Variants in NONO observed in about 807,000 individuals in gnomAD.
NONO encodes the protein non-POU domain-containing octamer-binding protein.
In NONO, 6 loss-of-function variants were observed where a neutral mutation model predicts 40.2. The ratio of observed to expected loss-of-function variants is 0.15; its 90% CI spans 0.08 to 0.29. NONO has a LOEUF of 0.29. NONO is among the 10% of genes least tolerant of loss of function. The pLI, the probability that NONO is intolerant of heterozygous loss-of-function variation, is 1.00. For synonymous variants in NONO, 89 were observed against 123.3 expected, an observed-to-expected ratio of 0.72 and a Z score of 1.85; for missense variants, 133 against 397.8, an observed-to-expected ratio of 0.33 and a Z score of 5.66.
intron 5 of NONO, among the ~76,000 whole-genome samples, chrX:71,294,756 A>G (rs1250308130): frequency 9.0e-6 from 1 of 111,149 alleles, no homozygotes. Context: ...TGTCTCTACT[A>G]AAAATACAAA....
intron 2 of NONO, among the ~76,000 whole-genome samples, chrX:71,289,813 C>T (rs995594456): frequency 1.8e-5 from 2 of 110,327 alleles, no homozygotes; most frequent in Non-Finnish European, 1.9e-5. Context: ...CACTCTGTCA[C>T]CAGGCTGGAG....
intron 2 of NONO, among the ~76,000 whole-genome samples, chrX:71,284,739 T>C (rs1346232689): frequency 8.9e-6 from 1 of 112,078 alleles, no homozygotes; most frequent in East Asian, 2.8e-4. Flanking sequence ...GCTTTCAGGC[T>C]GGCCATCCAG....
At chrX:71,297,744 T>C in intron 8 of NONO, 92 bp from the exon 9 acceptor site, 1 of 674,932 alleles carries the variant, frequency 1.5e-6, no homozygotes, top group Non-Finnish European at 2.3e-6. Context: ...ACTGATAGTT[T>C]TCAGTAGGCC....
rs750695677 is a variant in NONO at position 71,290,744 on chromosome X, C to T, written c.107C>T (p.Pro36Leu). Reference sequence around the variant, plus strand: ...CACCACCAGCAGCAACAGCAGCAGCCGCCACCACCGCCAATACCTGCAAAT... The same window carrying T: ...CACCACCAGCAGCAACAGCAGCAGCTGCCACCACCGCCAATACCTGCAAAT... ...QQHHQQQQQQPPPPPIPANGQ... is the reference protein window; with the variant it reads ...QQHHQQQQQQLPPPPIPANGQ... Residue 36 changes from proline (P) to leucine (L), a missense_variant, in exon 3 of 12, where the codon CCG (proline) becomes CTG (leucine). Transcript: ENST00000276079. 3.4e-6 allele frequency: 4 copies of T among 1,185,422 alleles called. No individual in the cohort carries two copies. Among genetic ancestry groups the T allele is most frequent in the South Asian group, 3.7e-5 (2 of 54,648 alleles).
At chrX:71,299,916 A>G (rs1048190289) in intron 11 of NONO, 26 bp from the exon 12 acceptor site, 2 of 1,209,917 alleles carry the variant, frequency 1.7e-6, no homozygotes, top group Non-Finnish European at 2.2e-6. Flanking sequence ...GCTCTGTTAC[A>G]GTGTTGCTCT....
rs756534222 is a variant in NONO, at chrX:71,290,703, TCACCACCAGCAGCAG to T, written c.81_95del (p.His28_Gln32del). ...ATACTCCAAGAAAGCATCATCAACA[TCACCACCAGCAGCAG>T]CACCACCAGCAGCAACAGCAGCAGC... On this transcript the variant is annotated inframe_deletion, in exon 3 of 12. Coordinates refer to ENST00000276079, the MANE Select transcript of NONO (RefSeq NM_007363.5). 56 of 1,206,519 alleles carry T rather than the reference TCACCACCAGCAGCAG, an allele frequency of 4.6e-5. No individual in the cohort carries two copies. The Middle Eastern group carries it at 6.9e-4, about 15-fold the overall frequency.
chrX:71,289,148 T>C (rs1405998188), intron 2 of NONO, among the ~76,000 whole-genome samples: 1 of 112,200 alleles, frequency 8.9e-6, no homozygotes, highest in East Asian at 2.8e-4. Context: ...TTTCTATTAA[T>C]GTGTAGTATT....
chrX:71,291,770 T>C lies in NONO; in HGVS notation c.155-9T>C. ...CCAGTCTTTTAAGTGACTGTGTGTCTTCTCTCAGATGAAGGCTTGACTATT... is the reference window on the plus strand; with the variant it reads ...CCAGTCTTTTAAGTGACTGTGTGTCCTCTCTCAGATGAAGGCTTGACTATT... On this transcript the variant is annotated splice_polypyrimidine_tract_variant and intron_variant, in intron 3 of 11. Coordinates refer to ENST00000276079, the MANE Select transcript of NONO (RefSeq NM_007363.5). 4 of 1,159,503 alleles carry C rather than the reference T, an allele frequency of 3.4e-6. No homozygotes were observed. The highest frequency in any genetic ancestry group is 4.6e-6 in the Non-Finnish European group (4 of 869,893).
At chrX:71,298,404 C>T in intron 9 of NONO, 65 bp from the exon 10 acceptor site, 1 of 973,992 alleles carries the variant, frequency 1.0e-6, no homozygotes, top group Non-Finnish European at 1.5e-6. Flanking sequence ...AGTGTGTGGT[C>T]CTTGATGGAT....
At chrX:71,293,959 G>A (rs910552909) in intron 4 of NONO, 2 of 348,967 alleles carry the variant, frequency 5.7e-6, no homozygotes, top group Admixed American at 4.8e-5. Flanking sequence ...ATGATCTGTT[G>A]TCATTGGGAG....
chrX:71,295,769 C>T (rs1429314073), intron 5 of NONO, among the ~76,000 whole-genome samples: 4 of 111,614 alleles, frequency 3.6e-5, no homozygotes, highest in African/African-American at 1.3e-4. Flanking sequence ...CTAGCCTGGG[C>T]GACAGAGGAA....
At chrX:71,293,972 T>G in intron 4 of NONO, 2 of 377,123 alleles carry the variant, frequency 5.3e-6, no homozygotes, top group Non-Finnish European at 9.2e-6. Context: ...ATTGGGAGAA[T>G]AATACCTATG....
intron 4 of NONO, among the ~76,000 whole-genome samples, chrX:71,293,687 G>A (rs5937080): frequency 1.8e-5 from 2 of 110,035 alleles, no homozygotes; most frequent in African/African-American, 3.3e-5. Context: ...GCTGGAGTGC[G>A]GTGGCGTGAT....
Position 71,291,769 on chromosome X carries a change from C to T in NONO, c.155-10C>T. ...CCCAGTCTTTTAAGTGACTGTGTGT[C>T]TTCTCTCAGATGAAGGCTTGACTAT... On this transcript the variant is annotated splice_polypyrimidine_tract_variant and intron_variant, in intron 3 of 11. Coordinates refer to ENST00000276079, the MANE Select transcript of NONO (RefSeq NM_007363.5). 1.7e-6 allele frequency: 2 copies of T among 1,156,883 alleles called. No individual in the cohort carries two copies. The highest frequency in any genetic ancestry group is 2.3e-6 in the Non-Finnish European group (2 of 868,151).
Position 71,296,598 on chromosome X carries a change from C to T in NONO, c.684C>T (p.Asp228=), listed in dbSNP as rs1282296909. The T allele has an allele frequency of 1.7e-6, 2 of 1,206,622 alleles. No homozygotes were observed. The highest frequency in any genetic ancestry group is 1.1e-6 in the Non-Finnish European group (1 of 892,307). ...GTCCTGTGACTGTGGAGCCCATGGA[C>T]CAGTTAGATGATGAAGAGGGACTTC... ...FPRPVTVEPM[D]QLDDEEGLPE... The change falls in exon 6 of 12, where the codon GAC becomes GAT. Residue 228 remains aspartate (D), a synonymous_variant. Transcript: ENST00000276079.
intron 2 of NONO, among the ~76,000 whole-genome samples, chrX:71,288,348 G>A (rs2031248124): frequency 9.1e-6 from 1 of 110,035 alleles, no homozygotes; most frequent in Non-Finnish European, 1.9e-5. Context: ...CAGTCCTCCT[G>A]CCTAGACCTC....
At chrX:71,285,944 G>A (rs1284083229) in intron 2 of NONO, among the ~76,000 whole-genome samples, 6 of 111,509 alleles carry the variant, frequency 5.4e-5, no homozygotes, top group Non-Finnish European at 1.1e-4. Context: ...TCATAAAGTG[G>A]AAAAAACAGG....
rs2031386373 is a variant in NONO, at chrX:71,294,170, G to A, written c.349-57G>A. 3 of 1,109,358 alleles carry A rather than the reference G, an allele frequency of 2.7e-6. 1 individual carries two copies. In the East Asian group the frequency reaches 9.0e-5, roughly 33 times the overall value. 91.4% of individuals were successfully genotyped at this position (1,109,358 alleles called of 1,213,427 possible). A position where few individuals can be genotyped will look rare whatever the true frequency, so the allele number is the denominator to read the frequency against. ...AACTATACTGCTTTAGACTGTTGAT[G>A]GCTGCTAAGGTGTTCTTTGTCAAAC... On this transcript the variant is annotated intron_variant, in intron 4 of 11. Coordinates refer to ENST00000276079, the MANE Select transcript of NONO (RefSeq NM_007363.5).
rs1223894758 is a variant in NONO, at chrX:71,296,632, C to T, written c.718C>T (p.Leu240=). 3 of 1,200,294 alleles carry T rather than the reference C, an allele frequency of 2.5e-6. No individual in the cohort carries two copies. Among genetic ancestry groups the T allele is most frequent in the African/African-American group, 1.7e-5 (1 of 57,155 alleles). ...LDDEEGLPEK[L]VIKNQQFHKE... ...TGATGAAGAGGGACTTCCAGAGAAG[C>T]TGGTTATAAAAAACCAGCAATTTCA... Residue 240 remains leucine, a synonymous_variant, in exon 6 of 12, where the codon CTG becomes TTG. Transcript: ENST00000276079.
Sources: allele counts gnomAD v4.1 joint callset (sites outside exome capture counted in the v4.1 genomes callset), GRCh38; gene constraint gnomAD v4.1.1; transcripts MANE v1.5; gene names NCBI Gene and HGNC (gene_info 2026-07-23, HGNC 2026-07-21).